Variants in SERINC2 observed in about 807,000 individuals in gnomAD.
The protein encoded by SERINC2 is serine incorporator 2.
A neutral mutation model predicts 54.2 loss-of-function variants in SERINC2; 56 were observed. The observed-to-expected ratio is 1.03, with a 90% CI of 0.83 to 1.29. The LOEUF (loss-of-function observed/expected upper bound fraction) is 1.29, where lower values mean the gene tolerates loss of function less well. Ranked by LOEUF, SERINC2 falls within the 50% of genes most tolerant of loss-of-function variation. The pLI is 0.00. For synonymous variants in SERINC2, 272 were observed against 253.1 expected (o/e 1.07, Z -0.71); for missense variants, 614 against 607.4 (o/e 1.01, Z -0.12).
chr1:31,433,256 C>T (rs1165670633), intron 9 of SERINC2, 71 bp downstream of exon 9: 15 of 1,340,694 alleles, frequency 1.1e-5, no homozygotes, highest in Non-Finnish European at 1.6e-5. Context: ...CTCCTGCGGC[C>T]CTTCACTGGG....
chr1:31,423,707 C>T lies in SERINC2; in HGVS notation c.54C>T (p.Cys18=), dbSNP rs782026024. The stretch of plus-strand genomic sequence containing the variant: ...CCCTCCCGCAGGCGTCCTGCCTCTG[C>T]GGCTCTGCCCCCTGCATCCTGTGCA... The part of the protein sequence containing the change: ...CSLLSCASCL[C]GSAPCILCSC... Residue 18 remains cysteine (C), a synonymous_variant, in exon 2 of 10, where the codon TGC becomes TGT. Transcript: ENST00000373709. 2.2e-5 allele frequency: 35 copies of T among 1,609,446 alleles called. No individual in the cohort carries two copies. Among genetic ancestry groups the T allele is most frequent in the Admixed American group, 3.3e-5 (2 of 59,994 alleles).
chr1:31,432,115 G>A lies in SERINC2; in HGVS notation c.1014-852G>A, dbSNP rs200799455. 2.8e-3 allele frequency among the ~76,000 whole-genome samples: 303 copies of A among 108,746 alleles called. 12 individuals are homozygous for A. Among genetic ancestry groups the A allele is most frequent in the African/African-American group, 3.5e-3 (82 of 23,630 alleles). 71.3% of individuals were successfully genotyped at this position (108,746 alleles called of 152,430 possible). A position where few individuals can be genotyped will look rare whatever the true frequency, so the allele number is the denominator to read the frequency against. ...GGACAGGGTGGACAGGGTGGATAGGGTGGTTAGGGTGGATAGGGTGGACAG... is the reference window on the plus strand; with the variant it reads ...GGACAGGGTGGACAGGGTGGATAGGATGGTTAGGGTGGATAGGGTGGACAG... On this transcript the variant is annotated intron_variant, in intron 8 of 9. Coordinates refer to ENST00000373709, the MANE Select transcript of SERINC2 (RefSeq NM_178865.5).
intron 1 of SERINC2, among the ~76,000 whole-genome samples, chr1:31,416,926 G>A (rs1640794707): frequency 6.6e-6 from 1 of 152,060 alleles, no homozygotes; most frequent in African/African-American, 2.4e-5. Flanking sequence ...CACCATGTTG[G>A]CCAGGCTGGT....
intron 2 of SERINC2, among the ~76,000 whole-genome samples, chr1:31,424,363 T>G (rs2148518322): frequency 6.6e-6 from 1 of 152,314 alleles, no homozygotes; most frequent in African/African-American, 2.4e-5. Flanking sequence ...CAGATGGTTC[T>G]GATGTAGGTG....
Position 31,424,739 on chromosome 1 carries a change from C to T in SERINC2, c.258C>T (p.Ile86=), listed in dbSNP as rs190706066. ...AGIPTVLQGH[I]DCGSLLGYRA... ...TCCCCACCGTCCTGCAGGGCCACAT[C>T]GACTGTGGCTCCCTGCTTGGCTACC... is the stretch of plus-strand genomic sequence containing the variant. Residue 86 remains isoleucine (I), a synonymous_variant, in exon 3 of 10, where the codon ATC becomes ATT. Transcript: ENST00000373709. 15 of 1,610,300 alleles carry T rather than the reference C, an allele frequency of 9.3e-6. No homozygotes were observed. The highest frequency in any genetic ancestry group is 5.5e-5 in the South Asian group (5 of 90,288).
In SERINC2 at chr1:31,434,514, G is replaced by A. The variant is rs1035036561; in HGVS notation, c.*315G>A. On this transcript the variant is annotated 3_prime_UTR_variant, in exon 10 of 10. Transcript: ENST00000373709. ...CCTTGTCCTCAGGCTCCACGGGAGC[G>A]GGGCTGCTGGAGAGAGCGGGGAACT... 5.4e-5 allele frequency: 20 copies of A among 368,176 alleles called. No homozygotes were observed. In the East Asian group the frequency reaches 8.4e-4, roughly 16 times the overall value. The allele number at this position is 368,176 out of a possible 1,614,324, so 22.8% of individuals were successfully genotyped here.
rs1250944363 is a variant in SERINC2 at position 31,413,588 on chromosome 1, G to A, written c.39+284G>A. Reference sequence around the variant, plus strand: ...AGTGCCCTCGGCGGGCGCCCTCCTGGGACCTGGAGAGACTAAGCCTGGAGC... The same window carrying A: ...AGTGCCCTCGGCGGGCGCCCTCCTGAGACCTGGAGAGACTAAGCCTGGAGC... On this transcript the variant is annotated intron_variant, in intron 1 of 9. Coordinates refer to ENST00000373709, the MANE Select transcript of SERINC2 (RefSeq NM_178865.5). The surrounding 1 kb of genome is among the most constrained non-coding windows in gnomAD (Gnocchi z 5.0). Among the ~76,000 whole-genome samples the A allele has an allele frequency of 6.6e-5, 10 of 151,654 alleles. No individual in the cohort carries two copies. The highest frequency in any genetic ancestry group is 1.3e-4 in the Non-Finnish European group (9 of 67,846).
At chr1:31,412,944 C>T (rs1469542884), upstream of SERINC2, among the ~76,000 whole-genome samples, 1 of 152,204 alleles carries the variant, frequency 6.6e-6, no homozygotes, top group Non-Finnish European at 1.5e-5. Flanking sequence ...GTCCTGGGGT[C>T]ACACGGGCTC....
chr1:31,410,714 T>C (rs1219851821), upstream of SERINC2, among the ~76,000 whole-genome samples: 5 of 152,208 alleles, frequency 3.3e-5, no homozygotes, highest in African/African-American at 1.2e-4. Flanking sequence ...CGGACACCCC[T>C]TGTGGGGTGA....
chr1:31,423,234 G>A (rs1248963629), intron 1 of SERINC2, among the ~76,000 whole-genome samples: 1 of 152,218 alleles, frequency 6.6e-6, no homozygotes, highest in Non-Finnish European at 1.5e-5. Flanking sequence ...GGGAGCCCAA[G>A]GGGGCTACAA....
At chr1:31,410,474 G>A, upstream of SERINC2, 2 of 1,549,190 alleles carry the variant, frequency 1.3e-6, no homozygotes, top group Non-Finnish European at 1.7e-6. Context: ...TGAGAGCCCA[G>A]CCGGCCTTGG....
Position 31,425,896 on chromosome 1 carries a change from C to G in SERINC2, c.593C>G (p.Ser198Cys). The G allele has an allele frequency of 6.2e-7, 1 of 1,612,294 alleles. No homozygotes were observed. The highest frequency in any genetic ancestry group is 8.5e-7 in the Non-Finnish European group (1 of 1,179,816). The change falls in exon 5 of 10, where the codon TCC becomes TGC. Residue 198 changes from serine to cysteine, a missense_variant. Ser to Cys is a moderately radical substitution (Grantham distance 112). Transcript: ENST00000373709. ...CTGGGCAAGGCCGAGGAGTGCGATT[C>G]CCGTGCCTGGTACGCAGGTCAGTGC... The part of the protein sequence containing the change: ...RWLGKAEECD[S>C]RAWYAGLFFF...
At chr1:31,431,564 T>C (rs868955067) in intron 8 of SERINC2, among the ~76,000 whole-genome samples, 15 of 152,220 alleles carry the variant, frequency 9.9e-5, no homozygotes, top group African/African-American at 3.6e-4. Flanking sequence ...CTGGCACAGC[T>C]GTTTTTCCTG....
intron 6 of SERINC2, among the ~76,000 whole-genome samples, chr1:31,428,241 T>C (rs574119703): frequency 2.6e-5 from 4 of 151,932 alleles, no homozygotes; most frequent in African/African-American, 9.7e-5. Flanking sequence ...GGTCTTGCGA[T>C]GTTGGCCAGG....
Position 31,431,805 on chromosome 1 carries a change from C to G in SERINC2, c.1014-1162C>G, listed in dbSNP as rs150418942. ...GGGTGGATAGGGTGGATAGGGTGGA[C>G]AGGGTGGACAGGGTGGATAGGGTGG... On this transcript the variant is annotated intron_variant, in intron 8 of 9. Transcript: ENST00000373709. 5.2e-3 allele frequency among the ~76,000 whole-genome samples: 213 copies of G among 40,624 alleles called. 3 individuals are homozygous for G. Among genetic ancestry groups the G allele is most frequent in the South Asian group, 0.01 (19 of 1,880 alleles). 26.7% of individuals were successfully genotyped at this position (40,624 alleles called of 152,430 possible). A position where few individuals can be genotyped will look rare whatever the true frequency, so the allele number is the denominator to read the frequency against.
At chr1:31,432,188 T>TGGACAG (rs1557501730) in intron 8 of SERINC2, among the ~76,000 whole-genome samples, 6 of 144,762 alleles carry the variant, frequency 4.1e-5, no homozygotes, top group Non-Finnish European at 6.1e-5. Flanking sequence ...GTGGATAGGG[T>TGGACAG]GGTTAGAGTG....
chr1:31,417,170 C>G (rs946144569), intron 1 of SERINC2, among the ~76,000 whole-genome samples: 1 of 152,182 alleles, frequency 6.6e-6, no homozygotes, highest in African/African-American at 2.4e-5. Flanking sequence ...ACTGTCAGCC[C>G]TCATCTGGAT....
intron 8 of SERINC2, among the ~76,000 whole-genome samples, chr1:31,432,515 T>G (rs943898181): frequency 3.9e-5 from 6 of 151,998 alleles, no homozygotes; most frequent in African/African-American, 7.3e-5. Context: ...CAATGGCAAA[T>G]GAGCGTGATT....
At chr1:31,431,851 AG>A (rs1641234473) in intron 8 of SERINC2, among the ~76,000 whole-genome samples, 1 of 148,996 alleles carries the variant, frequency 6.7e-6, no homozygotes, top group Non-Finnish European at 1.5e-5. Flanking sequence ...TAGGGTGGAT[AG>A]GGTGGATAGG....
Sources: allele counts gnomAD v4.1 joint callset (sites outside exome capture counted in the v4.1 genomes callset), GRCh38; gene constraint gnomAD v4.1.1; non-coding constraint Gnocchi (gnomAD v3.1); transcripts MANE v1.5; gene names NCBI Gene and HGNC (gene_info 2026-07-23, HGNC 2026-07-21).